SDK2: variants seen among roughly 807,000 people sequenced by gnomAD.
SDK2 encodes the protein protein sidekick-2.
SDK2 carries 105 observed loss-of-function variants against 253.9 expected under a neutral mutation model. The ratio of observed to expected loss-of-function variants is 0.41; its 90% confidence interval spans 0.35 to 0.49. SDK2 has a LOEUF of 0.49. Among genes scored for constraint, SDK2 ranks in the 20% least tolerant of loss-of-function variants. SDK2 has a pLI of 0.06. For synonymous variants in SDK2, 1,249 were observed against 1,234.9 expected, an observed-to-expected ratio of 1.01 and a Z score of -0.24; for missense variants, 2,608 against 3,003.0, an observed-to-expected ratio of 0.87 and a Z score of 3.07.
In SDK2 at chr17:73,511,515, G is replaced by T. The variant is rs2145768362; in HGVS notation, c.65-3918C>A. ...TTTGCTTGGATGGGTTGACTCCAGA[G>T]GCTGCTGGAGATAATGACTCTGGGG... On this transcript the variant is annotated intron_variant, in intron 1 of 44. Transcript: ENST00000392650. This position sits in a 1 kb window ranked among gnomAD's most constrained non-coding sequence, Gnocchi z 4.9. Among the ~76,000 whole-genome samples, 1 of 152,304 alleles carries T rather than the reference G, an allele frequency of 6.6e-6. No homozygotes were observed. The highest frequency in any genetic ancestry group is 1.9e-4 in the East Asian group (1 of 5,170).
intron 21 of SDK2, among the ~76,000 whole-genome samples, chr17:73,399,964 G>A (rs527346380): frequency 1.3e-5 from 2 of 152,298 alleles, no homozygotes; most frequent in African/African-American, 2.4e-5. Context: ...GTTGTTGTGA[G>A]GATTAAATGA....
At position 73,511,601 on chromosome 17, in the gene SDK2, G is replaced by A. The variant is rs1400078566; in HGVS notation, c.65-4004C>T. Among the ~76,000 whole-genome samples, 2 of 152,088 alleles carry A rather than the reference G, an allele frequency of 1.3e-5. No homozygotes were observed. The highest frequency in any genetic ancestry group is 1.3e-4 in the Admixed American group (2 of 15,266). On this transcript the variant is annotated intron_variant, in intron 1 of 44. Coordinates refer to ENST00000392650, the MANE Select transcript of SDK2 (RefSeq NM_001144952.2). This position sits in a 1 kb window ranked among gnomAD's most constrained non-coding sequence, Gnocchi z 4.9. ...CCTGCTGGGTACCAGGCCCTGGGCTGGGGGCTCCACATCCCTCGCCTCCTG... is the reference window on the plus strand; with the variant it reads ...CCTGCTGGGTACCAGGCCCTGGGCTAGGGGCTCCACATCCCTCGCCTCCTG...
Position 73,405,452 on chromosome 17 carries a change from A to C in SDK2, c.2485-3311T>G, listed in dbSNP as rs866771410. 1.6e-3 allele frequency among the ~76,000 whole-genome samples: 183 copies of C among 112,386 alleles called. 2 individuals carry two copies. The highest frequency in any genetic ancestry group is 5.9e-3 in the African/African-American group (179 of 30,516). 73.7% of individuals were successfully genotyped at this position (112,386 alleles called of 152,430 possible). On this transcript the variant is annotated intron_variant, in intron 18 of 44. Coordinates refer to ENST00000392650, the MANE Select transcript of SDK2 (RefSeq NM_001144952.2). The stretch of plus-strand genomic sequence containing the variant: ...AAAACTCCTTCTCAAAAAAAAAAAA[A>C]AACAAACAAAAAACCATATATATAT...
At chr17:73,628,359 C>T (rs191817291) in intron 1 of SDK2, among the ~76,000 whole-genome samples, 2 of 152,344 alleles carry the variant, frequency 1.3e-5, no homozygotes, top group Admixed American at 1.3e-4. Flanking sequence ...CTCTCTGTGT[C>T]GGTTTCCTGG....
At chr17:73,369,307 G>A (rs1303758427) in intron 36 of SDK2, 1 of 338,584 alleles carries the variant, frequency 3.0e-6, no homozygotes, top group East Asian at 8.3e-5. Context: ...ATGTCACCTG[G>A]GAGCTGGTGA....
chr17:73,451,491 C>T (rs957536229), intron 4 of SDK2, among the ~76,000 whole-genome samples: 59 of 152,062 alleles, frequency 3.9e-4, no homozygotes, highest in African/African-American at 1.1e-3. Context: ...GCATCAAGAG[C>T]GAAAATCCAT....
At chr17:73,535,366 T>C (rs987800130) in intron 1 of SDK2, among the ~76,000 whole-genome samples, 1 of 152,148 alleles carries the variant, frequency 6.6e-6, no homozygotes, top group Non-Finnish European at 1.5e-5. Flanking sequence ...CTGGTGTCGC[T>C]GACAGGAAAA....
intron 37 of SDK2, among the ~76,000 whole-genome samples, chr17:73,366,487 G>A (rs993052182): frequency 6.6e-6 from 1 of 152,198 alleles, no homozygotes; most frequent in African/African-American, 2.4e-5. Flanking sequence ...GATGCCACAG[G>A]TGTGCCCTCT....
chr17:73,480,275 GTCTCTCA>G (rs371818076), intron 2 of SDK2, among the ~76,000 whole-genome samples: 16 of 152,322 alleles, frequency 1.1e-4, no homozygotes, highest in African/African-American at 3.8e-4. Flanking sequence ...ATGGCTTGGG[GTCTCTCA>G]TTCCTAGGGT....
chr17:73,622,049 A>G (rs9909919), intron 1 of SDK2, among the ~76,000 whole-genome samples: 58,173 of 152,030 alleles, frequency 0.38, 11,630 homozygotes, highest in African/African-American at 0.5. Flanking sequence ...CGTCCTGTGC[A>G]TTTCAACAAT....
intron 1 of SDK2, chr17:73,516,863 C>T (rs2064033427): frequency 6.6e-6 from 1 of 152,226 alleles, no homozygotes; most frequent in African/African-American, 2.4e-5. Flanking sequence ...TTTGAATACA[C>T]ATCTAATCTG....
intron 1 of SDK2, among the ~76,000 whole-genome samples, chr17:73,555,389 C>T (rs566968243): frequency 1.2e-4 from 19 of 152,312 alleles, no homozygotes; most frequent in East Asian, 9.7e-4. Context: ...TATTCCTGGC[C>T]TGGGGGAGGC....
intron 44 of SDK2, among the ~76,000 whole-genome samples, chr17:73,345,430 G>A (rs557743776): frequency 1.3e-5 from 2 of 152,256 alleles, no homozygotes; most frequent in South Asian, 2.1e-4. Flanking sequence ...ATTTATACAC[G>A]TATGGTCTTC....
intron 2 of SDK2, among the ~76,000 whole-genome samples, chr17:73,493,245 C>T (rs2063819640): frequency 6.6e-6 from 1 of 152,222 alleles, no homozygotes; most frequent in African/African-American, 2.4e-5. Context: ...TGATGAAACC[C>T]TTCCTAATTT....
rs2045949074 is a variant in SDK2 at position 73,609,583 on chromosome 17, G to GT, written c.64+34441_64+34442insA. ...CAAAGACATGCAGTGGAAGCTGACA[G>GT]GGAAAACGGCTCAAGAGAAGGTTTG... is the stretch of plus-strand genomic sequence containing the variant. On this transcript the variant is annotated intron_variant, in intron 1 of 44. Transcript: ENST00000392650. The surrounding 1 kb of genome is among the most constrained non-coding windows in gnomAD (Gnocchi z 4.4). 6.6e-6 allele frequency among the ~76,000 whole-genome samples: 1 copy of GT among 152,208 alleles called. No homozygotes were observed. Among genetic ancestry groups the GT allele is most frequent in the Non-Finnish European group, 1.5e-5 (1 of 68,042 alleles).
chr17:73,381,603 G>A (rs1281197146), intron 33 of SDK2, among the ~76,000 whole-genome samples: 6 of 152,154 alleles, frequency 3.9e-5, no homozygotes, highest in Admixed American at 2.0e-4. Flanking sequence ...AGGCTGGGCC[G>A]GGCGCAGTGG....
At position 73,639,098 on chromosome 17, in the gene SDK2, C is replaced by G. The variant is rs1417798874; in HGVS notation, c.64+4927G>C. ...GTGCTGGGATTACAGGCGTGAGCCA[C>G]TGTGCCTGGCTGGTAGACACAACTA... On this transcript the variant is annotated intron_variant, in intron 1 of 44. Coordinates refer to ENST00000392650, the MANE Select transcript of SDK2 (RefSeq NM_001144952.2). This position sits in a 1 kb window ranked among gnomAD's most constrained non-coding sequence, Gnocchi z 4.3. Among the ~76,000 whole-genome samples the G allele has an allele frequency of 3.9e-5, 6 of 152,208 alleles. No homozygotes were observed. Among genetic ancestry groups the G allele is most frequent in the Non-Finnish European group, 8.8e-5 (6 of 68,042 alleles).
intron 28 of SDK2, 100 bp downstream of exon 28, chr17:73,391,340 G>A: frequency 1.8e-6 from 1 of 550,220 alleles, no homozygotes; most frequent in Non-Finnish European, 2.9e-6. Context: ...GAGGCTCCCT[G>A]GACCTACTCT....
At chr17:73,422,140 T>C (rs915972437) in intron 15 of SDK2, 147 bp downstream of exon 15, 10 of 823,020 alleles carry the variant, frequency 1.2e-5, no homozygotes, top group Non-Finnish European at 1.9e-5. Flanking sequence ...GGTGAGGCAC[T>C]CATCAGGATT....
Sources: allele counts gnomAD v4.1 joint callset (sites outside exome capture counted in the v4.1 genomes callset), GRCh38; gene constraint gnomAD v4.1.1; non-coding constraint Gnocchi (gnomAD v3.1); transcripts MANE v1.5; gene names NCBI Gene and HGNC (gene_info 2026-07-23, HGNC 2026-07-21).